The following PFAS variants were observed in gnomAD, a reference collection of about 807,000 sequenced individuals.
PFAS encodes FGAM synthase.
A neutral mutation model predicts 140.6 loss-of-function variants in PFAS; 97 were observed. The observed-to-expected ratio is 0.69, with a 90% CI of 0.59 to 0.82. PFAS has a LOEUF of 0.82. PFAS is among the 40% of genes least tolerant of loss of function. PFAS has a pLI of 0.00. For missense variants in PFAS, 1,656 were observed against 1,780.2 expected, an observed-to-expected ratio of 0.93 and a Z score of 1.26; for synonymous variants, 679 against 718.8, an observed-to-expected ratio of 0.94 and a Z score of 0.88.
rs1989034972 is a variant in PFAS at position 8,249,339 on chromosome 17, C to T, written c.-80C>T. 6.6e-6 allele frequency: 1 copy of T among 152,358 alleles called. No individual in the cohort carries two copies. The highest frequency in any genetic ancestry group is 1.5e-5 in the Non-Finnish European group (1 of 68,044). 9.4% of individuals were successfully genotyped at this position (152,358 alleles called of 1,614,324 possible). On this transcript the variant is annotated splice_region_variant and 5_prime_UTR_variant, in exon 1 of 28. The change creates a new upstream start codon in the 5' untranslated region. Transcript: ENST00000314666. The stretch of plus-strand genomic sequence containing the variant: ...TCTGTGGCCGCGAGTGCATCTTCCA[C>T]GTGAGTATAGTTACCGCGTGCGGAC...
intron 15 of PFAS, 78 bp from the exon 16 acceptor site, chr17:8,264,134 G>T: frequency 6.3e-7 from 1 of 1,582,444 alleles, no homozygotes. Context: ...AAGCACATTT[G>T]TGCCCTGATT....
chr17:8,248,094 G>A, upstream of PFAS: 1 of 1,195,822 alleles, frequency 8.4e-7, no homozygotes, highest in Admixed American at 2.0e-5. Context: ...GTGGGGATGG[G>A]GGTGGGGGGG....
chr17:8,247,898 G>T, upstream of PFAS: 1 of 1,195,036 alleles, frequency 8.4e-7, no homozygotes, highest in Non-Finnish European at 1.2e-6. Context: ...CCATGGGCCG[G>T]ACGCGGCCAG....
intron 1 of PFAS, among the ~76,000 whole-genome samples, chr17:8,252,739 T>G (rs1317782196): frequency 6.6e-6 from 1 of 152,062 alleles, no homozygotes; most frequent in East Asian, 1.9e-4. Flanking sequence ...CACCTCAGCC[T>G]CCCTAGTTGC....
intron 1 of PFAS, 42 bp from the exon 2 acceptor site, chr17:8,253,817 A>G: frequency 3.5e-6 from 5 of 1,412,166 alleles, no homozygotes; most frequent in Non-Finnish European, 4.7e-6. Context: ...GGGGTTACAG[A>G]TGTGAGCCAC....
Position 8,269,574 on chromosome 17 carries a change from A to C in PFAS, c.*310A>C. ...GTCCGAACAGGGGCTTCTGTTGCCC[A>C]CTTCACAACACCCAGTGATCACCGG... On this transcript the variant is annotated 3_prime_UTR_variant, in exon 28 of 28. Transcript: ENST00000314666. 3.2e-6 allele frequency: 1 copy of C among 314,906 alleles called. No individual in the cohort carries two copies. Among genetic ancestry groups the C allele is most frequent in the Non-Finnish European group, 5.9e-6 (1 of 169,774 alleles). The allele number at this position is 314,906 out of a possible 1,614,324, so 19.5% of individuals were successfully genotyped here. A position where few individuals can be genotyped will look rare whatever the true frequency, so the allele number is the denominator to read the frequency against.
At chr17:8,254,719 G>A (rs1989290803) in intron 3 of PFAS, among the ~76,000 whole-genome samples, 1 of 152,190 alleles carries the variant, frequency 6.6e-6, no homozygotes, top group African/African-American at 2.4e-5. Context: ...CAGGAGAATG[G>A]TGTGAACCCG....
chr17:8,263,082 G>C, intron 12 of PFAS, 27 bp from the exon 13 acceptor site: 5 of 1,613,440 alleles, frequency 3.1e-6, no homozygotes, highest in Non-Finnish European at 4.2e-6. Flanking sequence ...GTCTCGCTGA[G>C]CTGAGCTATG....
chr17:8,257,567 CAGAA>C (rs1291973523), intron 9 of PFAS, among the ~76,000 whole-genome samples: 2 of 151,342 alleles, frequency 1.3e-5, no homozygotes, highest in African/African-American at 2.4e-5. Flanking sequence ...AAAAAAAAAA[CAGAA>C]AGCCTGTGTA....
At chr17:8,256,672 T>C in intron 8 of PFAS, 24 bp downstream of exon 8, 1 of 1,613,274 alleles carries the variant, frequency 6.2e-7, no homozygotes. Flanking sequence ...CCTGGAGAAA[T>C]AGGTGAGATC....
intron 15 of PFAS, 61 bp downstream of exon 15, chr17:8,263,997 G>A: frequency 1.4e-5 from 22 of 1,574,562 alleles, no homozygotes; most frequent in Non-Finnish European, 1.9e-5. Context: ...CCTGGGTATG[G>A]GCTAGAGGGA....
chr17:8,254,337 T>C (rs764699559), intron 3 of PFAS, 36 bp downstream of exon 3: 1 of 1,610,758 alleles, frequency 6.2e-7, no homozygotes, highest in Non-Finnish European at 8.5e-7. Flanking sequence ...TTTCTTCTGC[T>C]TTCCTTTGCT....
chr17:8,256,331 T>C lies in PFAS; in HGVS notation c.745T>C (p.Ser249Pro). The C allele has an allele frequency of 6.2e-6, 10 of 1,614,032 alleles. No individual in the cohort carries two copies. The highest frequency in any genetic ancestry group is 8.5e-6 in the Non-Finnish European group (10 of 1,179,994). ...CGTGGATGGGCAGAAGCTGGTGCAC[T>C]CACTGTTTGAGTCCATCATGAGCAC... The part of the protein sequence containing the change: ...LHVDGQKLVH[S>P]LFESIMSTQE... The change falls in exon 7 of 28, where the codon TCA becomes CCA. Residue 249 changes from serine to proline, a missense_variant. Transcript: ENST00000314666.
intron 17 of PFAS, 49 bp downstream of exon 17, chr17:8,264,650 C>A: frequency 6.5e-7 from 1 of 1,527,854 alleles, no homozygotes; most frequent in South Asian, 1.2e-5. Context: ...CTCCGCTCAG[C>A]CTCTTCTGCC....
rs1272958298 is a variant in PFAS at position 8,268,627 on chromosome 17, T to A, written c.3477T>A (p.Asn1159Lys). The change falls in exon 27 of 28, where the codon AAT becomes AAA. Residue 1159 changes from asparagine to lysine, a missense_variant. Physicochemically the swap from Asn to Lys is moderately conservative, Grantham distance 94. This residue lies in a region of PFAS where 883 missense variants were observed against 1,023.0 expected (regional missense o/e 0.86). Coordinates refer to ENST00000314666, the MANE Select transcript of PFAS (RefSeq NM_012393.3). ...ACACCTTCAGCCTGGGCGTGTGTAATGGCTGTCAACTGCTGGCTCTGCTCG... is the reference window on the plus strand; with the variant it reads ...ACACCTTCAGCCTGGGCGTGTGTAAAGGCTGTCAACTGCTGGCTCTGCTCG... Reference protein sequence around the residue: ...RPDTFSLGVCNGCQLLALLGW... With the variant: ...RPDTFSLGVCKGCQLLALLGW... The A allele has an allele frequency of 1.2e-6, 2 of 1,613,600 alleles. No individual in the cohort carries two copies. The highest frequency in any genetic ancestry group is 1.7e-6 in the Non-Finnish European group (2 of 1,179,992).
chr17:8,265,092 C>G lies in PFAS; in HGVS notation c.2247C>G (p.Thr749=). Residue 749 remains threonine, a synonymous_variant, in exon 18 of 28, where the codon ACC becomes ACG. Coordinates refer to ENST00000314666, the MANE Select transcript of PFAS (RefSeq NM_012393.3). The part of the protein sequence containing the change: ...AARLAVAEAL[T]NLVFALVTDL... ...GGCTGGCCGTGGCCGAAGCCCTCAC[C>G]AACCTGGTGTTTGCTCTGGTCACTG... 1 of 1,613,122 alleles carries G rather than the reference C, an allele frequency of 6.2e-7. No homozygotes were observed. The highest frequency in any genetic ancestry group is 8.5e-7 in the Non-Finnish European group (1 of 1,179,908).
chr17:8,264,398 A>G, intron 16 of PFAS, 61 bp downstream of exon 16: 2 of 1,612,114 alleles, frequency 1.2e-6, no homozygotes, highest in Non-Finnish European at 1.7e-6. Flanking sequence ...CCTTTACCCT[A>G]CGTGCACTTT....
Position 8,264,261 on chromosome 17 carries a change from G to A in PFAS, c.1841G>A (p.Gly614Glu), listed in dbSNP as rs758858584. ...TGTCCTGTCAGAAGAAATGGCCAGG[G>A]GGATGCCCCCCCGACACCCCTGCCA... is the stretch of plus-strand genomic sequence containing the variant. ...RECPVRRNGQ[G>E]DAPPTPLPTP... Residue 614 changes from glycine to glutamate, a missense_variant, in exon 16 of 28, where the codon GGG (glycine) becomes GAG (glutamate). Physicochemically the swap from Gly to Glu is moderately conservative, Grantham distance 98. This residue lies in a region of PFAS where 883 missense variants were observed against 1,023.0 expected (regional missense o/e 0.86). Coordinates refer to ENST00000314666, the MANE Select transcript of PFAS (RefSeq NM_012393.3). 58 of 1,613,920 alleles carry A rather than the reference G, an allele frequency of 3.6e-5. No homozygotes were observed. Among genetic ancestry groups the A allele is most frequent in the Non-Finnish European group, 4.5e-5 (53 of 1,179,980 alleles).
At chr17:8,268,006 TTA>T (rs199810130) in intron 26 of PFAS, among the ~76,000 whole-genome samples, 2,275 of 137,488 alleles carry the variant, frequency 0.017, 29 homozygotes, top group Middle Eastern at 0.044. Context: ...AATATATTAT[TTA>T]TATATATTAT....
Sources: gnomAD v4.1 joint callset for allele counts (sites outside exome capture counted in the v4.1 genomes callset) on GRCh38, gnomAD v4.1.1 for gene constraint, gnomAD v4.1.1 regional missense constraint, MANE v1.5 for transcripts, NCBI Gene and HGNC (gene_info 2026-07-23, HGNC 2026-07-21) for gene names.